The following KIRREL3 variants were observed in gnomAD, a reference collection of about 807,000 sequenced individuals.
KIRREL3 encodes the protein kirre like nephrin family adhesion molecule 3.
Under a neutral mutation model 89.7 loss-of-function variants are expected in KIRREL3, and 36 were observed. The observed-to-expected ratio is 0.40, with a 90% CI of 0.31 to 0.53. KIRREL3 has a LOEUF of 0.53. Ranked by LOEUF, KIRREL3 falls within the 20% of genes least tolerant of loss-of-function variation. The pLI is 0.49. For synonymous variants in KIRREL3, 445 were observed against 441.4 expected (o/e 1.01, Z -0.10); for missense variants, 864 against 1,056.6 (o/e 0.82, Z 2.53).
rs1165107289 is a variant in KIRREL3, at chr11:126,709,146, T to C, written c.56-146234A>G. Among the ~76,000 whole-genome samples, 1 of 152,232 alleles carries C rather than the reference T, an allele frequency of 6.6e-6. No homozygotes were observed. The highest frequency in any genetic ancestry group is 1.5e-5 in the Non-Finnish European group (1 of 68,040). On this transcript the variant is annotated intron_variant, in intron 1 of 16. Coordinates refer to ENST00000525144, the MANE Select transcript of KIRREL3 (RefSeq NM_032531.4). The surrounding 1 kb of genome is among the most constrained non-coding windows in gnomAD (Gnocchi z 4.0). ...TACGCTATGTGCTTGTTTCATTTAA[T>C]ACCGTCAACGACCATATAAAGTGTG...
intron 1 of KIRREL3, among the ~76,000 whole-genome samples, chr11:126,873,971 C>A (rs1237346175): frequency 6.6e-6 from 1 of 152,228 alleles, no homozygotes; most frequent in Non-Finnish European, 1.5e-5. Flanking sequence ...AATTCTATCT[C>A]CCCAGCCTGG....
intron 4 of KIRREL3, among the ~76,000 whole-genome samples, chr11:126,503,978 T>C (rs536318341): frequency 1.4e-4 from 21 of 152,332 alleles, no homozygotes; most frequent in Non-Finnish European, 2.9e-4. Context: ...CTATAGTATT[T>C]GTTATAGCAG....
chr11:126,930,517 G>C (rs1947905736), intron 1 of KIRREL3, among the ~76,000 whole-genome samples: 1 of 152,190 alleles, frequency 6.6e-6, no homozygotes, highest in Admixed American at 6.5e-5. Context: ...CCAGGGCTCT[G>C]CATCAGGAGG....
Position 126,989,927 on chromosome 11 carries a change from C to T in KIRREL3, c.55+10528G>A, listed in dbSNP as rs1299651317. 6.6e-6 allele frequency among the ~76,000 whole-genome samples: 1 copy of T among 152,212 alleles called. No homozygotes were observed. The highest frequency in any genetic ancestry group is 2.4e-5 in the African/African-American group (1 of 41,462). On this transcript the variant is annotated intron_variant, in intron 1 of 16. Transcript: ENST00000525144. The surrounding 1 kb of genome is among the most constrained non-coding windows in gnomAD (Gnocchi z 6.2). ...TGAAAACAGAGTAGCACCTCCACAGCCTGCCCAGGAGATCAGGAATAATGA... is the reference window on the plus strand; with the variant it reads ...TGAAAACAGAGTAGCACCTCCACAGTCTGCCCAGGAGATCAGGAATAATGA...
At chr11:126,737,671 G>T (rs189559118) in intron 1 of KIRREL3, among the ~76,000 whole-genome samples, 1 of 152,132 alleles carries the variant, frequency 6.6e-6, no homozygotes, top group Non-Finnish European at 1.5e-5. Flanking sequence ...GTAGAGGGGG[G>T]CATTTTTAGA....
At chr11:126,663,676 G>A (rs892133845) in intron 1 of KIRREL3, among the ~76,000 whole-genome samples, 2 of 152,158 alleles carry the variant, frequency 1.3e-5, no homozygotes, top group African/African-American at 2.4e-5. Flanking sequence ...GACATGTCAG[G>A]GGAGTCCAGC....
chr11:126,454,609 C>T lies in KIRREL3; in HGVS notation c.848+1740G>A, dbSNP rs535098459. 1.3e-5 allele frequency among the ~76,000 whole-genome samples: 2 copies of T among 152,218 alleles called. No homozygotes were observed. The highest frequency in any genetic ancestry group is 3.9e-4 in the East Asian group (2 of 5,172). On this transcript the variant is annotated intron_variant, in intron 7 of 16. Coordinates refer to ENST00000525144, the MANE Select transcript of KIRREL3 (RefSeq NM_032531.4). The surrounding 1 kb of genome is among the most constrained non-coding windows in gnomAD (Gnocchi z 5.8). ...GAGCAGACAGAGGAGAGAAGCTGAA[C>T]TTGTATGGAGAAACCCAGGCCTGGC...
intron 2 of KIRREL3, among the ~76,000 whole-genome samples, chr11:126,529,163 G>A (rs770099367): frequency 3.8e-4 from 58 of 152,110 alleles, no homozygotes; most frequent in African/African-American, 8.7e-4. Context: ...GGAGGAAGGC[G>A]CGGGAGGTAC....
rs1053913264 is a variant in KIRREL3 at position 126,676,457 on chromosome 11, C to A, written c.56-113545G>T. ...TGGGCTGGCTCTGCAGTTGGCCACA[C>A]TGAGGCTGTTCTTTGACCAGTGTTT... On this transcript the variant is annotated intron_variant, in intron 1 of 16. Coordinates refer to ENST00000525144, the MANE Select transcript of KIRREL3 (RefSeq NM_032531.4). The surrounding 1 kb of genome is among the most constrained non-coding windows in gnomAD (Gnocchi z 4.5). 4.6e-5 allele frequency among the ~76,000 whole-genome samples: 7 copies of A among 152,176 alleles called. No individual in the cohort carries two copies. Among genetic ancestry groups the A allele is most frequent in the African/African-American group, 1.7e-4 (7 of 41,438 alleles).
At chr11:126,538,452 G>C (rs557598732) in intron 2 of KIRREL3, among the ~76,000 whole-genome samples, 1 of 152,310 alleles carries the variant, frequency 6.6e-6, no homozygotes, top group East Asian at 1.9e-4. Context: ...ACAATATCGG[G>C]TAGGGTGGGA....
At chr11:126,473,840 C>T (rs1335698656) in intron 4 of KIRREL3, among the ~76,000 whole-genome samples, 1 of 152,200 alleles carries the variant, frequency 6.6e-6, no homozygotes, top group Non-Finnish European at 1.5e-5. Context: ...GTCACCCAGG[C>T]TGGAGTGCAG....
In KIRREL3 at chr11:126,476,369, T is replaced by C. The variant is rs1235759899; in HGVS notation, c.434-2903A>G. On this transcript the variant is annotated intron_variant, in intron 4 of 16. Coordinates refer to ENST00000525144, the MANE Select transcript of KIRREL3 (RefSeq NM_032531.4). The surrounding 1 kb of genome is among the most constrained non-coding windows in gnomAD (Gnocchi z 6.4). ...GAGCCTCTGCTTGCTCTGAGCACAG[T>C]GCAGCCACCAAGGCCTTCCCGAGAA... Among the ~76,000 whole-genome samples, 2 of 152,138 alleles carry C rather than the reference T, an allele frequency of 1.3e-5. No individual in the cohort carries two copies. The highest frequency in any genetic ancestry group is 1.3e-4 in the Admixed American group (2 of 15,276).
intron 1 of KIRREL3, among the ~76,000 whole-genome samples, chr11:126,690,549 T>C (rs1034687018): frequency 1.3e-5 from 2 of 152,126 alleles, no homozygotes; most frequent in Non-Finnish European, 2.9e-5. Context: ...CCTTATGTTT[T>C]GGGGTTTTCT....
intron 4 of KIRREL3, among the ~76,000 whole-genome samples, chr11:126,510,373 C>G (rs959895951): frequency 3.3e-5 from 5 of 151,932 alleles, no homozygotes; most frequent in Admixed American, 6.6e-5. Flanking sequence ...CTTAACTGAA[C>G]TCTGTTAGTT....
intron 6 of KIRREL3, among the ~76,000 whole-genome samples, chr11:126,457,195 G>GTGTGTGTGTGTGTGTGTGTGTGTA (rs1439469025): frequency 2.0e-5 from 3 of 150,812 alleles, no homozygotes; most frequent in East Asian, 4.0e-4. Context: ...ATGTGTGTGT[G>GTGTGTGTGTGTGTGTGTGTGTGTA]TGTGTGTGTG....
chr11:126,683,038 T>C lies in KIRREL3; in HGVS notation c.56-120126A>G, dbSNP rs910334730. Among the ~76,000 whole-genome samples, 1 of 152,126 alleles carries C rather than the reference T, an allele frequency of 6.6e-6. No individual in the cohort carries two copies. On this transcript the variant is annotated intron_variant, in intron 1 of 16. Coordinates refer to ENST00000525144, the MANE Select transcript of KIRREL3 (RefSeq NM_032531.4). This position sits in a 1 kb window ranked among gnomAD's most constrained non-coding sequence, Gnocchi z 5.2. ...CCTGGGTAACTTTTTTGATTTTTAT[T>C]AGAGATGAGGTCTCACCATGTTGCC...
chr11:126,813,526 T>C (rs1273167807), intron 1 of KIRREL3, among the ~76,000 whole-genome samples: 7 of 152,194 alleles, frequency 4.6e-5, no homozygotes, highest in Admixed American at 3.9e-4. Context: ...ATCCACTTCA[T>C]TGAGTGGGAA....
intron 1 of KIRREL3, among the ~76,000 whole-genome samples, chr11:126,838,536 C>T (rs2134513184): frequency 6.6e-6 from 1 of 152,288 alleles, no homozygotes; most frequent in Non-Finnish European, 1.5e-5. Context: ...TAAGAGGGGA[C>T]ATTTGAGGTT....
intron 1 of KIRREL3, among the ~76,000 whole-genome samples, chr11:126,679,793 G>C (rs1035580883): frequency 5.3e-5 from 8 of 152,128 alleles, no homozygotes; most frequent in Non-Finnish European, 1.0e-4. Context: ...ACTCCAAATA[G>C]CCGGGGTTGA....
Sources: gnomAD v4.1 joint callset for allele counts (sites outside exome capture counted in the v4.1 genomes callset) on GRCh38, gnomAD v4.1.1 for gene constraint, Gnocchi (gnomAD v3.1) non-coding constraint, MANE v1.5 for transcripts, NCBI Gene and HGNC (gene_info 2026-07-23, HGNC 2026-07-21) for gene names.